Variants in LAMA4 observed in about 807,000 individuals in gnomAD.
LAMA4 encodes the protein laminin subunit alpha-4.
In LAMA4, 127 loss-of-function variants were observed where a neutral mutation model predicts 207.1. That is an observed-to-expected ratio of 0.61 (90% CI 0.53 to 0.71). The LOEUF (loss-of-function observed/expected upper bound fraction) is 0.71. Among genes scored for constraint, LAMA4 ranks in the 30% least tolerant of loss-of-function variants. The pLI is 0.00. For missense variants in LAMA4, 2,093 were observed against 2,246.5 expected, an observed-to-expected ratio of 0.93 and a Z score of 1.38; for synonymous variants, 761 against 816.0, an observed-to-expected ratio of 0.93 and a Z score of 1.15.
At chr6:112,134,438 A>G (rs541655292) in intron 26 of LAMA4, 29 bp downstream of exon 26, 1 of 1,612,180 alleles carries the variant, frequency 6.2e-7, no homozygotes, top group Admixed American at 1.7e-5. Flanking sequence ...ATTGCTAGGA[A>G]CAAACAGCTA....
intron 2 of LAMA4, chr6:112,236,907 C>T (rs1199205617): frequency 6.6e-6 from 1 of 152,066 alleles, no homozygotes; most frequent in African/African-American, 2.4e-5. Context: ...CTTTTTAGCT[C>T]AGGGTGCAGG....
chr6:112,201,645 T>C lies in LAMA4; in HGVS notation c.466A>G (p.Ile156Val), dbSNP rs1554352456. ...CYRKNGAVRC[I>V]CNENYAGPNC... ...GGTCCAGCATAATTTTCGTTACAAATGCACCGAACAGCTCCATTTTTCCTA... is the reference window on the plus strand; with the variant it reads ...GGTCCAGCATAATTTTCGTTACAAACGCACCGAACAGCTCCATTTTTCCTA... Residue 156 changes from isoleucine (I) to valine (V), a missense_variant, in exon 5 of 39, where the codon ATT (isoleucine) becomes GTT (valine). Coordinates refer to ENST00000230538, the MANE Select transcript of LAMA4 (RefSeq NM_001105206.3). 1 of 1,613,968 alleles carries C rather than the reference T, an allele frequency of 6.2e-7. No individual in the cohort carries two copies. Among genetic ancestry groups the C allele is most frequent in the African/African-American group, 1.3e-5 (1 of 75,028 alleles).
At chr6:112,124,822 T>C (rs1275167112) in intron 31 of LAMA4, among the ~76,000 whole-genome samples, 1 of 151,732 alleles carries the variant, frequency 6.6e-6, no homozygotes, top group Non-Finnish European at 1.5e-5. Flanking sequence ...AGTGGCGCGA[T>C]GTCAGCTCAC....
chr6:112,154,794 T>G, intron 16 of LAMA4, 57 bp downstream of exon 16: 1 of 1,052,088 alleles, frequency 9.5e-7, no homozygotes, highest in Non-Finnish European at 1.5e-6. Flanking sequence ...TCTACGTGTA[T>G]GAAAGGAGGG....
At chr6:112,183,745 G>A (rs782221012) in intron 9 of LAMA4, among the ~76,000 whole-genome samples, 6 of 152,006 alleles carry the variant, frequency 3.9e-5, no homozygotes, top group Non-Finnish European at 7.4e-5. Context: ...GAGGTCAAGA[G>A]TTTGAGACCA....
intron 5 of LAMA4, among the ~76,000 whole-genome samples, chr6:112,199,232 A>C (rs1392619677): frequency 6.6e-6 from 1 of 151,966 alleles, no homozygotes; most frequent in African/African-American, 2.4e-5. Context: ...CCTTCTCTGC[A>C]CCCCTGTGTG....
At chr6:112,182,440 C>G (rs1782423846) in intron 9 of LAMA4, among the ~76,000 whole-genome samples, 1 of 152,112 alleles carries the variant, frequency 6.6e-6, no homozygotes, top group South Asian at 2.1e-4. Flanking sequence ...GGAATTTTTC[C>G]AAATATTTTT....
intron 31 of LAMA4, 62 bp downstream of exon 31, chr6:112,128,860 T>C: frequency 7.0e-7 from 1 of 1,438,044 alleles, no homozygotes; most frequent in Non-Finnish European, 9.8e-7. Context: ...AACAGCAGTG[T>C]CTAGAACTGT....
At chr6:112,145,940 C>T (rs1336088077) in intron 18 of LAMA4, among the ~76,000 whole-genome samples, 2 of 152,028 alleles carry the variant, frequency 1.3e-5, no homozygotes, top group African/African-American at 4.8e-5. Context: ...GATTGTTTTC[C>T]ACCTTTTTTC....
At chr6:112,183,987 A>C (rs1406354390) in intron 9 of LAMA4, among the ~76,000 whole-genome samples, 1 of 151,312 alleles carries the variant, frequency 6.6e-6, no homozygotes, top group Non-Finnish European at 1.5e-5. Context: ...GAATTAAGAT[A>C]GTTTTAGCAA....
At position 112,118,278 on chromosome 6, in the gene LAMA4, T is replaced by C. The variant is rs2114577923; in HGVS notation, c.4822-380A>G. Among the ~76,000 whole-genome samples the C allele has an allele frequency of 6.6e-6, 1 of 152,332 alleles. No individual in the cohort carries two copies. The highest frequency in any genetic ancestry group is 2.4e-5 in the African/African-American group (1 of 41,590). On this transcript the variant is annotated intron_variant, in intron 34 of 38. Transcript: ENST00000230538. The surrounding 1 kb of genome is among the most constrained non-coding windows in gnomAD (Gnocchi z 4.6). The stretch of plus-strand genomic sequence containing the variant: ...CAAAGTTCTTTACTTAAATCTACCA[T>C]AGCCAAATAAACAGCAGAAAGCTTT...
chr6:112,149,459 T>C (rs868949095), intron 17 of LAMA4, among the ~76,000 whole-genome samples: 8 of 152,278 alleles, frequency 5.3e-5, no homozygotes, highest in Middle Eastern at 6.8e-3. Context: ...GGGGACAGTT[T>C]TCCCCATGCT....
At chr6:112,161,819 G>A (rs1484038627) in intron 13 of LAMA4, among the ~76,000 whole-genome samples, 1 of 152,150 alleles carries the variant, frequency 6.6e-6, no homozygotes, top group East Asian at 1.9e-4. Flanking sequence ...CCTGAGGCAG[G>A]AAATAAGTAT....
intron 24 of LAMA4, 51 bp from the exon 25 acceptor site, chr6:112,136,305 G>A (rs1554331612): frequency 1.4e-6 from 2 of 1,444,302 alleles, no homozygotes; most frequent in South Asian, 1.1e-5. Context: ...TGCGAGTAGA[G>A]TCAGATTTAG....
chr6:112,155,862 C>G (rs1780681362), intron 14 of LAMA4, 156 bp from the exon 15 acceptor site: 1 of 789,166 alleles, frequency 1.3e-6, no homozygotes, highest in African/African-American at 1.7e-5. Context: ...GAGGGTCACA[C>G]CTCCTCTGCA....
chr6:112,209,525 A>G (rs1554355660), intron 3 of LAMA4, among the ~76,000 whole-genome samples: 4 of 152,200 alleles, frequency 2.6e-5, no homozygotes, highest in Admixed American at 1.3e-4. Flanking sequence ...AAAGGCTTCA[A>G]TGCACATTCT....
At chr6:112,245,702 C>T (rs782642550) in intron 2 of LAMA4, among the ~76,000 whole-genome samples, 13 of 152,024 alleles carry the variant, frequency 8.6e-5, no homozygotes, top group Non-Finnish European at 8.8e-5. Context: ...GTTAATGTTA[C>T]GGGATTTCTC....
At chr6:112,130,836 A>T in intron 29 of LAMA4, 132 bp downstream of exon 29, 1 of 871,362 alleles carries the variant, frequency 1.1e-6, no homozygotes, top group South Asian at 1.4e-5. Flanking sequence ...GAGGAAGATA[A>T]GTTGTTCCTT....
Position 112,136,123 on chromosome 6 carries a change from C to T in LAMA4, c.3414G>A (p.Glu1138=), listed in dbSNP as rs1425579342. 3 of 1,611,670 alleles carry T rather than the reference C, an allele frequency of 1.9e-6. No individual in the cohort carries two copies. Among genetic ancestry groups the T allele is most frequent in the Non-Finnish European group, 2.5e-6 (3 of 1,179,254 alleles). ...KAQINDAKYH[E]ISIIYHNDKK... ...CCAACCAAACTACAATGATTTGTAC[C>T]TCATGGTATTTTGCATCATTAATTT... The change falls in exon 25 of 39, where the codon GAG becomes GAA. Residue 1138 remains glutamate, a splice_region_variant and synonymous_variant. Coordinates refer to ENST00000230538, the MANE Select transcript of LAMA4 (RefSeq NM_001105206.3).
Sources: gnomAD v4.1 joint callset for allele counts (sites outside exome capture counted in the v4.1 genomes callset) on GRCh38, gnomAD v4.1.1 for gene constraint, Gnocchi (gnomAD v3.1) non-coding constraint, MANE v1.5 for transcripts, NCBI Gene and HGNC (gene_info 2026-07-23, HGNC 2026-07-21) for gene names.